ARB2A: variants seen among roughly 807,000 people sequenced by gnomAD.
The protein encoded by ARB2A is cotranscriptional regulator ARB2A.
At chr5:93,741,415 A>C in the ARB2A span, 1 of 1,613,342 alleles carries the variant, frequency 6.2e-7, no homozygotes, top group South Asian at 1.1e-5. Context: ...CCCTGGCCTG[A>C]CTGCCGGCCA....
chr5:93,791,835 A>G, the ARB2A span, among the ~76,000 whole-genome samples: 1 of 152,160 alleles, frequency 6.6e-6, no homozygotes, highest in African/African-American at 2.4e-5. Context: ...AGAAGAGAGC[A>G]GTAATAACTT....
At chr5:93,647,387 T>C in the ARB2A span, among the ~76,000 whole-genome samples, 1 of 152,216 alleles carries the variant, frequency 6.6e-6, no homozygotes, top group Middle Eastern at 3.4e-3. Flanking sequence ...CCACCACACC[T>C]GTCTAATTTT....
chr5:93,850,949 T>C, the ARB2A span, among the ~76,000 whole-genome samples: 2 of 152,238 alleles, frequency 1.3e-5, no homozygotes, highest in African/African-American at 4.8e-5. Flanking sequence ...CTATTAAGTA[T>C]GTTTACATTA....
At chr5:94,010,607 A>T in the ARB2A span, among the ~76,000 whole-genome samples, 1 of 152,064 alleles carries the variant, frequency 6.6e-6, no homozygotes, top group Non-Finnish European at 1.5e-5. Context: ...TCTTGAAGGG[A>T]TCTCTAAACT....
the ARB2A span, among the ~76,000 whole-genome samples, chr5:93,626,871 C>T: frequency 1.3e-5 from 2 of 152,194 alleles, no homozygotes; most frequent in Non-Finnish European, 2.9e-5. Context: ...TTGACCCTTC[C>T]TTTCCTGAAA....
At chr5:93,669,265 CT>C in the ARB2A span, among the ~76,000 whole-genome samples, 455 of 152,220 alleles carry the variant, frequency 3.0e-3, 3 homozygotes, top group African/African-American at 0.011. Context: ...CACAAAGTAC[CT>C]TTTTAAAAGG....
the ARB2A span, among the ~76,000 whole-genome samples, chr5:94,039,487 T>C: frequency 1.3e-5 from 2 of 152,108 alleles, no homozygotes. Flanking sequence ...CATCAGGAAG[T>C]TACCCTATAT....
the ARB2A span, among the ~76,000 whole-genome samples, chr5:93,919,197 G>C: frequency 6.6e-6 from 1 of 152,028 alleles, no homozygotes; most frequent in African/African-American, 2.4e-5. Context: ...ATATTGTTGG[G>C]ATAAGAAAGG....
At chr5:93,744,828 G>A in the ARB2A span, among the ~76,000 whole-genome samples, 1 of 152,166 alleles carries the variant, frequency 6.6e-6, no homozygotes, top group Non-Finnish European at 1.5e-5. Context: ...CTTAGTAAGT[G>A]ATTAGATTAC....
the ARB2A span, among the ~76,000 whole-genome samples, chr5:93,920,031 T>C: frequency 6.6e-6 from 1 of 152,170 alleles, no homozygotes; most frequent in East Asian, 1.9e-4. Flanking sequence ...AATTATAGTA[T>C]ACGATCTGTA....
chr5:93,983,198 TG>T, the ARB2A span, among the ~76,000 whole-genome samples: 2 of 149,666 alleles, frequency 1.3e-5, no homozygotes, highest in South Asian at 2.1e-4. Flanking sequence ...TGTGTGTGTG[TG>T]TGTGTGTGTG....
chr5:94,012,232 C>A, the ARB2A span, among the ~76,000 whole-genome samples: 7 of 152,314 alleles, frequency 4.6e-5, no homozygotes, highest in Admixed American at 3.9e-4. Context: ...GAAACCCCGT[C>A]TCTACTAAAC....
At chr5:93,797,744 C>G in the ARB2A span, among the ~76,000 whole-genome samples, 1 of 152,048 alleles carries the variant, frequency 6.6e-6, no homozygotes, top group South Asian at 2.1e-4. Context: ...ATATACAAAA[C>G]AGAATTACAC....
the ARB2A span, among the ~76,000 whole-genome samples, chr5:93,940,156 C>T: frequency 2.0e-5 from 3 of 152,048 alleles, no homozygotes; most frequent in Admixed American, 1.3e-4. Flanking sequence ...CATCTGAATG[C>T]ATACTTATTA....
chr5:94,102,113 A>AG, the ARB2A span, among the ~76,000 whole-genome samples: 3 of 151,688 alleles, frequency 2.0e-5, no homozygotes, highest in African/African-American at 7.3e-5. Context: ...AAAAAAAAAA[A>AG]AAAAAGTCAG....
At chr5:93,709,031 C>A in the ARB2A span, among the ~76,000 whole-genome samples, 6 of 150,632 alleles carry the variant, frequency 4.0e-5, no homozygotes, top group Non-Finnish European at 7.4e-5. Context: ...TACCACCCAC[C>A]CCCACCCCAC....
At chr5:93,625,833 T>G in the ARB2A span, among the ~76,000 whole-genome samples, 1 of 152,172 alleles carries the variant, frequency 6.6e-6, no homozygotes, top group Non-Finnish European at 1.5e-5. Context: ...GAAAAAATGG[T>G]TAAAAACAGC....
At chr5:93,627,643 T>C in the ARB2A span, among the ~76,000 whole-genome samples, 4 of 152,150 alleles carry the variant, frequency 2.6e-5, no homozygotes, top group East Asian at 7.8e-4. Context: ...GGTTTCACCA[T>C]GTTGGTCAGG....
chr5:93,812,205 T>G, the ARB2A span, among the ~76,000 whole-genome samples: 5 of 152,220 alleles, frequency 3.3e-5, no homozygotes, highest in African/African-American at 1.2e-4. Flanking sequence ...CTACAATGTG[T>G]AATAGGAAGC....
Sources: gnomAD v4.1 joint callset for allele counts (sites outside exome capture counted in the v4.1 genomes callset) on GRCh38, gnomAD v4.1.1 for gene constraint, MANE v1.5 for transcripts, NCBI Gene and HGNC (gene_info 2026-07-23, HGNC 2026-07-21) for gene names.